The following PDE10A variants were observed in gnomAD, a reference collection of about 807,000 sequenced individuals.
PDE10A encodes the protein cAMP and cAMP-inhibited cGMP 3',5'-cyclic phosphodiesterase 10A.
A neutral mutation model predicts 97.7 loss-of-function variants in PDE10A; 39 were observed. That is an observed-to-expected ratio of 0.40 (90% CI 0.31 to 0.52). PDE10A has a LOEUF of 0.52. Among genes scored for constraint, PDE10A ranks in the 20% least tolerant of loss-of-function variants. The pLI, the probability that PDE10A is intolerant of heterozygous loss-of-function variation, is 0.56. For synonymous variants in PDE10A, 371 were observed against 376.8 expected (o/e 0.98, Z 0.18); for missense variants, 731 against 1,047.8 (o/e 0.70, Z 4.17).
At chr6:165,824,050 C>G (rs530652457) in intron 1 of PDE10A, among the ~76,000 whole-genome samples, 16 of 152,196 alleles carry the variant, frequency 1.1e-4, no homozygotes, top group Non-Finnish European at 2.2e-4. Flanking sequence ...TGTGATTCTG[C>G]TGCTTAAATG....
intron 3 of PDE10A, among the ~76,000 whole-genome samples, chr6:165,461,686 C>T (rs1778336602): frequency 1.3e-5 from 2 of 152,218 alleles, no homozygotes; most frequent in South Asian, 4.1e-4. Flanking sequence ...GGCTCATGTA[C>T]CTCTTCCAGG....
intron 1 of PDE10A, among the ~76,000 whole-genome samples, chr6:165,571,816 T>C (rs910316139): frequency 6.6e-5 from 10 of 152,238 alleles, no homozygotes; most frequent in African/African-American, 2.2e-4. Flanking sequence ...ACTATAGCTG[T>C]TCCACTTCAG....
chr6:165,334,150 A>G (rs564805167), intron 21 of PDE10A, among the ~76,000 whole-genome samples: 44 of 152,356 alleles, frequency 2.9e-4, no homozygotes, highest in African/African-American at 9.4e-4. Flanking sequence ...AAGCGTTAAT[A>G]AGATTAAAAT....
chr6:165,879,938 T>G (rs1338075785), intron 1 of PDE10A, among the ~76,000 whole-genome samples: 1 of 152,104 alleles, frequency 6.6e-6, no homozygotes, highest in Non-Finnish European at 1.5e-5. Flanking sequence ...GGGGACACTC[T>G]TTAACCCAGT....
chr6:165,736,203 A>G (rs866774034), intron 1 of PDE10A, among the ~76,000 whole-genome samples: 22 of 152,218 alleles, frequency 1.4e-4, no homozygotes, highest in African/African-American at 4.6e-4. Flanking sequence ...AAATCTAAAG[A>G]AACTGTAAAA....
intron 1 of PDE10A, among the ~76,000 whole-genome samples, chr6:165,691,021 C>A (rs9365908): frequency 0.91 from 136,519 of 150,186 alleles, 62,329 homozygotes; most frequent in African/African-American, 0.98. Context: ...CTTGGGACTC[C>A]TCAGTGCCTG....
chr6:165,450,166 A>C (rs1246558888), intron 4 of PDE10A, 76 bp downstream of exon 4: 1 of 918,332 alleles, frequency 1.1e-6, no homozygotes, highest in South Asian at 2.3e-5. Flanking sequence ...TCTGCCTCTT[A>C]GTAAGTAGTT....
chr6:165,822,570 T>C (rs781679829), intron 1 of PDE10A, among the ~76,000 whole-genome samples: 6 of 151,810 alleles, frequency 4.0e-5, no homozygotes, highest in Non-Finnish European at 8.8e-5. Flanking sequence ...ATGGTATTTG[T>C]GTATCTAAAC....
chr6:165,745,781 T>G (rs1468806345), intron 1 of PDE10A, among the ~76,000 whole-genome samples: 1 of 152,188 alleles, frequency 6.6e-6, no homozygotes, highest in African/African-American at 2.4e-5. Context: ...TTACCAAGTT[T>G]TGTTTCGATA....
At chr6:165,823,877 T>C (rs1401059843) in intron 1 of PDE10A, among the ~76,000 whole-genome samples, 1 of 152,172 alleles carries the variant, frequency 6.6e-6, no homozygotes, top group Non-Finnish European at 1.5e-5. Flanking sequence ...CAAAATGTCA[T>C]TGTATGACAT....
intron 18 of PDE10A, among the ~76,000 whole-genome samples, chr6:165,366,070 A>G (rs1411042086): frequency 4.6e-5 from 7 of 152,192 alleles, no homozygotes; most frequent in Non-Finnish European, 8.8e-5. Context: ...CAGTAACACT[A>G]AGAAATTAGA....
At chr6:165,942,516 C>T (rs1783562102) in intron 1 of PDE10A, among the ~76,000 whole-genome samples, 1 of 152,102 alleles carries the variant, frequency 6.6e-6, no homozygotes, top group Non-Finnish European at 1.5e-5. Flanking sequence ...TGCTCGCTGC[C>T]ACCCACTGTG....
intron 3 of PDE10A, among the ~76,000 whole-genome samples, chr6:165,470,869 T>C (rs1283891022): frequency 1.3e-5 from 2 of 152,142 alleles, no homozygotes; most frequent in East Asian, 1.9e-4. Flanking sequence ...TCCACAAATA[T>C]ATAAACATGC....
intron 1 of PDE10A, among the ~76,000 whole-genome samples, chr6:165,734,470 T>C (rs904913002): frequency 2.0e-5 from 3 of 152,182 alleles, no homozygotes; most frequent in Non-Finnish European, 4.4e-5. Context: ...ATAGGTATTT[T>C]TGAAATTCTT....
intron 1 of PDE10A, among the ~76,000 whole-genome samples, chr6:165,870,322 T>A (rs1243704209): frequency 6.6e-6 from 1 of 152,084 alleles, no homozygotes; most frequent in Non-Finnish European, 1.5e-5. Context: ...AAAGAAGACA[T>A]ACAAACGGCC....
Position 165,358,283 on chromosome 6 carries a change from T to C in PDE10A, c.2784-14781A>G, listed in dbSNP as rs370520517. Among the ~76,000 whole-genome samples the C allele has an allele frequency of 3.3e-5, 5 of 152,252 alleles. No homozygotes were observed. The East Asian group carries it at 7.7e-4, about 24-fold the overall frequency. On this transcript the variant is annotated intron_variant, in intron 18 of 21. Transcript: ENST00000539869. ...TTACATAGTTCTTCTGTAAGTTACT[T>C]AAGGAGGGATATAAAACTCTCCAAC...
intron 1 of PDE10A, among the ~76,000 whole-genome samples, chr6:165,750,507 C>T (rs1341153089): frequency 6.6e-6 from 1 of 152,174 alleles, no homozygotes; most frequent in Non-Finnish European, 1.5e-5. Context: ...TGACACTAAG[C>T]CTGGACCTCA....
At chr6:165,499,397 C>T (rs1780735576) in intron 2 of PDE10A, among the ~76,000 whole-genome samples, 1 of 152,160 alleles carries the variant, frequency 6.6e-6, no homozygotes, top group East Asian at 1.9e-4. Flanking sequence ...CAGACAAATG[C>T]TTAGAGCCCT....
intron 1 of PDE10A, among the ~76,000 whole-genome samples, chr6:165,740,371 C>A (rs1333064390): frequency 6.6e-6 from 1 of 151,990 alleles, no homozygotes; most frequent in Non-Finnish European, 1.5e-5. Context: ...CACTCTGTCA[C>A]CCAGGCTGGA....
Sources: gnomAD v4.1 joint callset for allele counts (sites outside exome capture counted in the v4.1 genomes callset) on GRCh38, gnomAD v4.1.1 for gene constraint, MANE v1.5 for transcripts, NCBI Gene and HGNC (gene_info 2026-07-23, HGNC 2026-07-21) for gene names.